The following ERBB4 variants were observed in gnomAD, a reference collection of about 807,000 sequenced individuals.
ERBB4 encodes the protein receptor tyrosine-protein kinase erbB-4.
In ERBB4, 42 loss-of-function variants were observed where a neutral mutation model predicts 158.0. The observed-to-expected ratio is 0.27, with a 90% CI of 0.21 to 0.34. ERBB4 has a LOEUF of 0.34. Ranked by LOEUF, ERBB4 falls within the 10% of genes least tolerant of loss-of-function variation. ERBB4 has a pLI of 1.00. For missense variants in ERBB4, 1,333 were observed against 1,624.1 expected, an observed-to-expected ratio of 0.82 and a Z score of 3.08; for synonymous variants, 583 against 558.7, an observed-to-expected ratio of 1.04 and a Z score of -0.61.
At chr2:211,654,022 T>G (rs932910589) in intron 16 of ERBB4, among the ~76,000 whole-genome samples, 2 of 152,154 alleles carry the variant, frequency 1.3e-5, no homozygotes, top group African/African-American at 4.8e-5. Flanking sequence ...TTATGTAAGA[T>G]TCACTTCAAT....
chr2:212,137,116 T>C lies in ERBB4; in HGVS notation c.83-12213A>G, dbSNP rs144754702. Among the ~76,000 whole-genome samples, 253 of 152,236 alleles carry C rather than the reference T, an allele frequency of 1.7e-3. 1 individual carries two copies. The highest frequency in any genetic ancestry group is 5.4e-3 in the African/African-American group (223 of 41,554). ...CTCTCTAAAACATTTAGATGAGTAG[T>C]GGGTTGTTATTTTTACAAGATAATC... On this transcript the variant is annotated intron_variant, in intron 1 of 27. Coordinates refer to ENST00000342788, the MANE Select transcript of ERBB4 (RefSeq NM_005235.3).
At chr2:212,189,073 C>CTT (rs374754039) in intron 1 of ERBB4, among the ~76,000 whole-genome samples, 7 of 98,674 alleles carry the variant, frequency 7.1e-5, no homozygotes, top group Non-Finnish European at 1.2e-4. Context: ...AGATTTCTAA[C>CTT]TTTTTTTTTG....
intron 1 of ERBB4, among the ~76,000 whole-genome samples, chr2:212,463,610 GA>G (rs1384645755): frequency 6.6e-6 from 1 of 151,602 alleles, no homozygotes; most frequent in African/African-American, 2.4e-5. Context: ...GATAGTAAAA[GA>G]AAAAAAGCCT....
At chr2:212,464,892 T>TCACACACA (rs148243973) in intron 1 of ERBB4, among the ~76,000 whole-genome samples, 3,476 of 146,078 alleles carry the variant, frequency 0.024, 70 homozygotes, top group African/African-American at 0.05. Flanking sequence ...AAGGGAAACA[T>TCACACACA]CACACACACA....
At chr2:211,710,908 G>A (rs7573723) in intron 9 of ERBB4, among the ~76,000 whole-genome samples, 43,955 of 151,692 alleles carry the variant, frequency 0.29, 7,137 homozygotes, top group Non-Finnish European at 0.38. Flanking sequence ...ACCCAGTCTC[G>A]GGTGTGTCTT....
At chr2:211,477,936 G>A (rs2125540930) in intron 20 of ERBB4, among the ~76,000 whole-genome samples, 1 of 152,220 alleles carries the variant, frequency 6.6e-6, no homozygotes, top group African/African-American at 2.4e-5. Flanking sequence ...CTATTCAGGT[G>A]GGTTGAGAAA....
chr2:211,576,081 G>A (rs973668153), intron 19 of ERBB4, among the ~76,000 whole-genome samples: 10 of 131,736 alleles, frequency 7.6e-5, no homozygotes, highest in East Asian at 7.0e-4. Flanking sequence ...ACAAATCTGC[G>A]TTAATGTTAT....
chr2:212,496,693 G>C (rs1249428851), intron 1 of ERBB4, among the ~76,000 whole-genome samples: 1 of 152,094 alleles, frequency 6.6e-6, no homozygotes, highest in Non-Finnish European at 1.5e-5. Context: ...CCAAGTTTTA[G>C]AAAATTTGTC....
At chr2:212,355,651 CATAA>C (rs975063988) in intron 1 of ERBB4, among the ~76,000 whole-genome samples, 1 of 151,884 alleles carries the variant, frequency 6.6e-6, no homozygotes. Flanking sequence ...GCAATATGCT[CATAA>C]ATAAACAGGT....
chr2:211,383,603 C>A lies in ERBB4; in HGVS notation c.*12G>T, dbSNP rs1559112499. The A allele has an allele frequency of 1.4e-5, 23 of 1,611,292 alleles. No homozygotes were observed. Among genetic ancestry groups the A allele is most frequent in the East Asian group, 2.2e-5 (1 of 44,882 alleles). ...CAGGTGTGTCTCTCCACCTAAAAAA[C>A]CACAACTGAGCTTACACCACAGTAT... On this transcript the variant is annotated 3_prime_UTR_variant, in exon 28 of 28. Transcript: ENST00000342788.
Position 211,725,066 on chromosome 2 carries a change from A to T in ERBB4, c.741+10T>A, listed in dbSNP as rs2106130883. On this transcript the variant is annotated intron_variant, in intron 6 of 27. Coordinates refer to ENST00000342788, the MANE Select transcript of ERBB4 (RefSeq NM_005235.3). ...AGCAGGATAATAAAAGAGAGAAATC[A>T]CAGACATACAAAGCAGTCTGTGTCC... The T allele has an allele frequency of 2.6e-6, 4 of 1,549,532 alleles. No homozygotes were observed. The highest frequency in any genetic ancestry group is 3.6e-6 in the Non-Finnish European group (4 of 1,120,934).
intron 20 of ERBB4, among the ~76,000 whole-genome samples, chr2:211,508,717 G>T (rs527614653): frequency 3.5e-4 from 54 of 152,252 alleles, no homozygotes; most frequent in African/African-American, 1.3e-3. Context: ...ATACATATGT[G>T]TATTACTATT....
chr2:212,399,569 T>C (rs1456930674), intron 1 of ERBB4, among the ~76,000 whole-genome samples: 3 of 26,584 alleles, frequency 1.1e-4, no homozygotes, highest in Non-Finnish European at 2.2e-4. Flanking sequence ...TATATATATA[T>C]ATATATATAT....
intron 1 of ERBB4, among the ~76,000 whole-genome samples, chr2:212,512,006 G>A (rs930548787): frequency 1.3e-5 from 2 of 152,110 alleles, no homozygotes; most frequent in Admixed American, 6.5e-5. Context: ...TTCTCTGGAA[G>A]CCTGCCAGAT....
intron 2 of ERBB4, among the ~76,000 whole-genome samples, chr2:211,998,504 A>T (rs535237677): frequency 1.3e-5 from 2 of 148,854 alleles, no homozygotes; most frequent in South Asian, 4.3e-4. Context: ...TCCAAATGTT[A>T]AATAAACTAC....
intron 12 of ERBB4, among the ~76,000 whole-genome samples, chr2:211,685,831 T>C (rs1244761500): frequency 6.6e-6 from 1 of 152,190 alleles, no homozygotes; most frequent in South Asian, 2.1e-4. Flanking sequence ...ATACAAGTCC[T>C]GTATATGTTT....
At chr2:211,443,441 A>G (rs909854653) in intron 20 of ERBB4, among the ~76,000 whole-genome samples, 2 of 152,054 alleles carry the variant, frequency 1.3e-5, no homozygotes, top group Admixed American at 6.6e-5. Context: ...TTTTCCCACA[A>G]TTGTTAGGAA....
intron 2 of ERBB4, among the ~76,000 whole-genome samples, chr2:212,010,926 T>A (rs998230351): frequency 6.6e-6 from 1 of 152,150 alleles, no homozygotes; most frequent in African/African-American, 2.4e-5. Context: ...GCACATCCAT[T>A]TATAGGCTCT....
At position 211,892,102 on chromosome 2, in the gene ERBB4, C is replaced by CA. The variant is rs1345690393; in HGVS notation, c.421+55327dup. On this transcript the variant is annotated intron_variant, in intron 3 of 27. Transcript: ENST00000342788. The stretch of plus-strand genomic sequence containing the variant: ...TACCAAAGCCGGGCAGAGACACAAC[C>CA]AAAAAAGAGAATTTTAGACCAATAT... Among the ~76,000 whole-genome samples, 904 of 112,266 alleles carry CA rather than the reference C, an allele frequency of 8.1e-3. 52 individuals are homozygous for CA. The highest frequency in any genetic ancestry group is 0.034 in the African/African-American group (833 of 24,634). 73.7% of individuals were successfully genotyped at this position (112,266 alleles called of 152,430 possible).
Sources: gnomAD v4.1 joint callset for allele counts (sites outside exome capture counted in the v4.1 genomes callset) on GRCh38, gnomAD v4.1.1 for gene constraint, MANE v1.5 for transcripts, NCBI Gene and HGNC (gene_info 2026-07-23, HGNC 2026-07-21) for gene names.